INPP4B: variants seen among roughly 807,000 people sequenced by gnomAD.
The protein encoded by INPP4B is inositol polyphosphate-4-phosphatase type II B.
Under a neutral mutation model 122.5 loss-of-function variants are expected in INPP4B, and 55 were observed. The ratio of observed to expected loss-of-function variants is 0.45; its 90% CI spans 0.36 to 0.56. INPP4B has a LOEUF of 0.56. INPP4B is among the 20% of genes least tolerant of loss of function. INPP4B has a pLI of 0.00. For synonymous variants in INPP4B, 403 were observed against 388.7 expected (o/e 1.04, Z -0.43); for missense variants, 1,000 against 1,097.7 (o/e 0.91, Z 1.26).
At chr4:142,407,872 T>C (rs1803766412) in intron 5 of INPP4B, among the ~76,000 whole-genome samples, 2 of 152,144 alleles carry the variant, frequency 1.3e-5, no homozygotes, top group Non-Finnish European at 2.9e-5. Flanking sequence ...ATTGGGCCTT[T>C]TTATAAATGG....
At chr4:142,305,855 A>G in intron 8 of INPP4B, 1 of 1,104,550 alleles carries the variant, frequency 9.1e-7, no homozygotes, top group Non-Finnish European at 1.1e-6. Context: ...AAAATAAAAG[A>G]TGATATATTT....
chr4:142,139,720 G>A (rs535879919), intron 18 of INPP4B, among the ~76,000 whole-genome samples: 18 of 152,306 alleles, frequency 1.2e-4, no homozygotes, highest in African/African-American at 4.3e-4. Flanking sequence ...CTATTTGAAG[G>A]TTGGGGTGCA....
chr4:142,110,364 T>A (rs1221795209), intron 22 of INPP4B, among the ~76,000 whole-genome samples: 1 of 152,124 alleles, frequency 6.6e-6, no homozygotes, highest in Non-Finnish European at 1.5e-5. Flanking sequence ...ATTTCTGTTG[T>A]TTAAGCCACC....
At chr4:142,648,364 G>A (rs1482108832) in intron 2 of INPP4B, among the ~76,000 whole-genome samples, 1 of 152,212 alleles carries the variant, frequency 6.6e-6, no homozygotes, top group African/African-American at 2.4e-5. Context: ...GCAGGGTGGG[G>A]TATTGCCTCA....
intron 1 of INPP4B, among the ~76,000 whole-genome samples, chr4:142,733,661 A>G (rs747855689): frequency 6.6e-6 from 1 of 152,202 alleles, no homozygotes; most frequent in Admixed American, 6.5e-5. Context: ...TGGTACTGTC[A>G]TATCCTGCTG....
intron 2 of INPP4B, among the ~76,000 whole-genome samples, chr4:142,472,150 T>G (rs575183923): frequency 6.6e-6 from 1 of 152,134 alleles, no homozygotes; most frequent in African/African-American, 2.4e-5. Flanking sequence ...TTTCTAGGAA[T>G]TCTTAAATTC....
intron 7 of INPP4B, among the ~76,000 whole-genome samples, chr4:142,348,536 G>A (rs1488413438): frequency 1.3e-5 from 2 of 151,968 alleles, no homozygotes; most frequent in Admixed American, 1.3e-4. Flanking sequence ...TCATCAGTAT[G>A]TGGGAGGCCC....
intron 2 of INPP4B, among the ~76,000 whole-genome samples, chr4:142,559,596 C>A (rs1385456720): frequency 6.6e-6 from 1 of 152,098 alleles, no homozygotes; most frequent in South Asian, 2.1e-4. Context: ...AAATCATATG[C>A]ATAAGTTTTT....
intron 2 of INPP4B, among the ~76,000 whole-genome samples, chr4:142,687,559 CAAAAAAAAA>C (rs3080815): frequency 1.1e-4 from 11 of 100,608 alleles, no homozygotes; most frequent in Admixed American, 4.4e-4. Context: ...ATCCTTCCTC[CAAAAAAAAA>C]AAAAAAAAAA....
In INPP4B at chr4:142,603,590, T is replaced by G. The variant is rs550514045; in HGVS notation, c.-191+122249A>C. 2.0e-5 allele frequency among the ~76,000 whole-genome samples: 3 copies of G among 151,732 alleles called. No individual in the cohort carries two copies. The East Asian group carries it at 5.8e-4, about 29-fold the overall frequency. Reference sequence around the variant, plus strand: ...TCAGAGACTATTATGAACAACTATATGAGAACAAACTGGAAAACCTAGAAG... The same window carrying G: ...TCAGAGACTATTATGAACAACTATAGGAGAACAAACTGGAAAACCTAGAAG... On this transcript the variant is annotated intron_variant, in intron 2 of 25. Transcript: ENST00000262992.
intron 2 of INPP4B, among the ~76,000 whole-genome samples, chr4:142,555,212 G>T (rs1728880752): frequency 6.6e-6 from 1 of 152,206 alleles, no homozygotes; most frequent in Non-Finnish European, 1.5e-5. Flanking sequence ...CTGCAGATGT[G>T]CTTCAAGCCA....
chr4:142,786,868 G>A (rs932505001), intron 1 of INPP4B, among the ~76,000 whole-genome samples: 3 of 151,932 alleles, frequency 2.0e-5, no homozygotes, highest in Non-Finnish European at 4.4e-5. Context: ...AATTTAAAGA[G>A]GGGGAAACTG....
chr4:142,042,489 C>T (rs1265045280), intron 25 of INPP4B, among the ~76,000 whole-genome samples: 2 of 150,080 alleles, frequency 1.3e-5, no homozygotes, highest in Non-Finnish European at 2.9e-5. Flanking sequence ...TTTTCAACCC[C>T]CTTTTCCACT....
chr4:142,359,009 A>G (rs1317969077), intron 7 of INPP4B, among the ~76,000 whole-genome samples: 1 of 151,952 alleles, frequency 6.6e-6, no homozygotes, highest in Non-Finnish European at 1.5e-5. Flanking sequence ...TAGGTACTGC[A>G]ATACTGGGTC....
At position 142,028,531 on chromosome 4, in the gene INPP4B, C is replaced by T. The variant is rs138272803; in HGVS notation, c.*251G>A. The T allele has an allele frequency of 3.4e-5, 15 of 442,286 alleles. No individual in the cohort carries two copies. The Middle Eastern group carries it at 1.8e-3, about 54-fold the overall frequency. 27.4% of individuals were successfully genotyped at this position (442,286 alleles called of 1,614,324 possible). ...TTACACTTTGTGAACCAATCTCAAT[C>T]AGCTAGGCTCAACACATAGAAGCTT... is the stretch of plus-strand genomic sequence containing the variant. On this transcript the variant is annotated 3_prime_UTR_variant, in exon 26 of 26. Transcript: ENST00000262992.
chr4:142,349,846 T>G (rs1259755775), intron 7 of INPP4B, among the ~76,000 whole-genome samples: 2 of 150,964 alleles, frequency 1.3e-5, no homozygotes, highest in African/African-American at 4.9e-5. Flanking sequence ...AATTTTATGC[T>G]CAAGTAATTC....
intron 2 of INPP4B, among the ~76,000 whole-genome samples, chr4:142,686,399 C>T (rs930823469): frequency 5.0e-4 from 76 of 152,042 alleles, no homozygotes; most frequent in African/African-American, 1.8e-3. Flanking sequence ...AAGTTCAGGG[C>T]CAGACCAACA....
At chr4:142,446,888 G>T (rs1046358172) in intron 3 of INPP4B, among the ~76,000 whole-genome samples, 2 of 152,110 alleles carry the variant, frequency 1.3e-5, no homozygotes, top group African/African-American at 4.8e-5. Context: ...ATTGCTTAAG[G>T]CTACATACAC....
chr4:142,675,161 G>C (rs1363668433), intron 2 of INPP4B, among the ~76,000 whole-genome samples: 1 of 152,062 alleles, frequency 6.6e-6, no homozygotes, highest in Non-Finnish European at 1.5e-5. Context: ...AAATGATAAA[G>C]GTAATATCAC....
Sources: gnomAD v4.1 joint callset for allele counts (sites outside exome capture counted in the v4.1 genomes callset) on GRCh38, gnomAD v4.1.1 for gene constraint, MANE v1.5 for transcripts, NCBI Gene and HGNC (gene_info 2026-07-23, HGNC 2026-07-21) for gene names.